The following PDE1A variants were observed in gnomAD, a reference collection of about 807,000 sequenced individuals.
The protein encoded by PDE1A is phosphodiesterase 1A.
In PDE1A, 35 loss-of-function variants were observed where a neutral mutation model predicts 61.7. The observed-to-expected ratio is 0.57, with a 90% CI of 0.43 to 0.75. The LOEUF (loss-of-function observed/expected upper bound fraction) is 0.75. Among genes scored for constraint, PDE1A ranks in the 30% least tolerant of loss-of-function variants. PDE1A has a pLI of 0.00. For missense variants in PDE1A, 597 were observed against 630.6 expected, an observed-to-expected ratio of 0.95 and a Z score of 0.57; for synonymous variants, 232 against 213.2, an observed-to-expected ratio of 1.09 and a Z score of -0.77.
At chr2:182,185,814 T>C (rs773816019) in intron 13 of PDE1A, 78 bp downstream of exon 13, 2 of 1,598,986 alleles carry the variant, frequency 1.3e-6, no homozygotes, top group Non-Finnish European at 8.5e-7. Context: ...AGAAGAAATC[T>C]AGAAGAAGTA....
the PDE1A span, among the ~76,000 whole-genome samples, chr2:182,619,266 A>T: frequency 6.6e-6 from 1 of 152,158 alleles, no homozygotes; most frequent in Non-Finnish European, 1.5e-5. Flanking sequence ...ACAACACTAT[A>T]ATAATTCCCC....
At chr2:182,502,952 G>T (rs1292099963) in intron 2 of PDE1A, among the ~76,000 whole-genome samples, 1 of 151,510 alleles carries the variant, frequency 6.6e-6, no homozygotes, top group Non-Finnish European at 1.5e-5. Context: ...TTCACATCTG[G>T]GCCCAAAGGT....
intron 2 of PDE1A, among the ~76,000 whole-genome samples, chr2:182,520,346 T>G (rs988645112): frequency 2.0e-5 from 3 of 151,886 alleles, no homozygotes; most frequent in African/African-American, 7.2e-5. Flanking sequence ...TCTTCTTTAT[T>G]CAATGAAAAA....
At chr2:182,196,775 T>C (rs1686168916) in intron 10 of PDE1A, among the ~76,000 whole-genome samples, 1 of 151,082 alleles carries the variant, frequency 6.6e-6, no homozygotes. Flanking sequence ...TGTTGCTGGA[T>C]ATTCCATTGT....
chr2:182,540,227 G>T, the PDE1A span, among the ~76,000 whole-genome samples: 214 of 152,084 alleles, frequency 1.4e-3, no homozygotes, highest in Non-Finnish European at 2.5e-3. Context: ...AGCTGGGCAT[G>T]GTGGTGGGCC....
At chr2:182,332,907 CA>C (rs35394100) in intron 1 of PDE1A, among the ~76,000 whole-genome samples, 1 of 151,428 alleles carries the variant, frequency 6.6e-6, no homozygotes, top group Admixed American at 6.6e-5. Context: ...GAAAGCAAGA[CA>C]AAAAAAAGCA....
the PDE1A span, among the ~76,000 whole-genome samples, chr2:182,652,334 A>G: frequency 4.6e-5 from 7 of 152,096 alleles, no homozygotes; most frequent in Non-Finnish European, 8.8e-5. Flanking sequence ...TTTCCCTCCC[A>G]GGTCTTTAGA....
chr2:182,638,751 G>C, the PDE1A span, among the ~76,000 whole-genome samples: 16 of 152,288 alleles, frequency 1.1e-4, 1 homozygote, highest in Admixed American at 6.5e-4. Context: ...GCAGTAAAAA[G>C]AAAAGTAAAT....
intron 1 of PDE1A, among the ~76,000 whole-genome samples, chr2:182,343,684 G>A (rs1698339401): frequency 6.6e-6 from 1 of 151,668 alleles, no homozygotes; most frequent in Admixed American, 6.6e-5. Context: ...AATTAAATTG[G>A]GTATTGTGGT....
At chr2:182,161,644 A>G (rs552797120) in intron 13 of PDE1A, among the ~76,000 whole-genome samples, 1 of 152,220 alleles carries the variant, frequency 6.6e-6, no homozygotes, top group South Asian at 2.1e-4. Flanking sequence ...CTAAACCTGT[A>G]ACTAGACTGA....
chr2:182,427,823 C>T (rs1159875366), upstream of PDE1A, among the ~76,000 whole-genome samples: 1 of 151,948 alleles, frequency 6.6e-6, no homozygotes, highest in Non-Finnish European at 1.5e-5. Context: ...CATAAGATTC[C>T]AGGTCAGAGA....
chr2:182,284,937 G>C (rs918457558), intron 1 of PDE1A, among the ~76,000 whole-genome samples: 1 of 152,032 alleles, frequency 6.6e-6, no homozygotes, highest in African/African-American at 2.4e-5. Flanking sequence ...ACTTGCCTAA[G>C]GTCACACAAT....
chr2:182,311,070 T>C (rs1695937155), intron 1 of PDE1A, among the ~76,000 whole-genome samples: 1 of 152,230 alleles, frequency 6.6e-6, no homozygotes, highest in South Asian at 2.1e-4. Flanking sequence ...GTGGGAAGAA[T>C]GCCTCCTGAA....
chr2:182,561,400 G>C, the PDE1A span, among the ~76,000 whole-genome samples: 1 of 151,966 alleles, frequency 6.6e-6, no homozygotes, highest in African/African-American at 2.4e-5. Context: ...GCTCTGTTCT[G>C]TTCCATTGAT....
At chr2:182,301,556 G>T (rs535749083) in intron 1 of PDE1A, among the ~76,000 whole-genome samples, 89 of 152,174 alleles carry the variant, frequency 5.8e-4, no homozygotes, top group Non-Finnish European at 1.0e-3. Context: ...ATAGAGTAAG[G>T]GTTCTACTAA....
At chr2:182,465,895 C>T (rs1047299004) in intron 2 of PDE1A, among the ~76,000 whole-genome samples, 16 of 151,742 alleles carry the variant, frequency 1.1e-4, no homozygotes, top group Non-Finnish European at 2.1e-4. Flanking sequence ...TTTTGTGGCC[C>T]CAGTGTCTAG....
At chr2:182,532,214 T>C in the PDE1A span, among the ~76,000 whole-genome samples, 5 of 152,244 alleles carry the variant, frequency 3.3e-5, 1 homozygote, top group Middle Eastern at 0.01. Flanking sequence ...ATGTATTGCA[T>C]AGTTTCAAAG....
chr2:182,265,079 A>G (rs1692532633), intron 1 of PDE1A, among the ~76,000 whole-genome samples: 1 of 151,462 alleles, frequency 6.6e-6, no homozygotes, highest in Non-Finnish European at 1.5e-5. Flanking sequence ...GCATCTGAAT[A>G]ATATAATGGA....
At chr2:182,588,107 T>G in the PDE1A span, among the ~76,000 whole-genome samples, 1 of 152,240 alleles carries the variant, frequency 6.6e-6, no homozygotes. Flanking sequence ...TGCAATTAAG[T>G]AACCTTACTC....
Sources: allele counts gnomAD v4.1 joint callset (sites outside exome capture counted in the v4.1 genomes callset), GRCh38; gene constraint gnomAD v4.1.1; transcripts MANE v1.5; gene names NCBI Gene and HGNC (gene_info 2026-07-23, HGNC 2026-07-21).